OLFM3: variants seen among roughly 807,000 people sequenced by gnomAD.
The protein encoded by OLFM3 is olfactomedin 3.
A neutral mutation model predicts 48.6 loss-of-function variants in OLFM3; 20 were observed. The observed-to-expected ratio is 0.41, with a 90% CI of 0.29 to 0.60. OLFM3 has a LOEUF of 0.60. OLFM3 is among the 20% of genes least tolerant of loss of function. OLFM3 has a pLI of 0.28. For missense variants in OLFM3, 437 were observed against 544.3 expected (o/e 0.80, Z 1.96); for synonymous variants, 222 against 198.1 (o/e 1.12, Z -1.01).
rs771813279 is a variant in OLFM3, at chr1:101,892,355, T to A, written c.70-55330A>T. On this transcript the variant is annotated intron_variant, in intron 1 of 5. Coordinates refer to ENST00000370103, the MANE Select transcript of OLFM3 (RefSeq NM_058170.4). ...AGACCCCAGCAGACAGCCAGTCAAA[T>A]TTAAGCTTCTATACAAAGACTTCAT... is the stretch of plus-strand genomic sequence containing the variant. Among the ~76,000 whole-genome samples, 16 of 152,168 alleles carry A rather than the reference T, an allele frequency of 1.1e-4. 1 individual carries two copies. The South Asian group carries it at 2.5e-3, about 24-fold the overall frequency.
chr1:101,972,731 A>T lies in OLFM3; in HGVS notation c.69+24017T>A, dbSNP rs114082120. ...AAACAAGACTTTATTTATTCTCAAC[A>T]GGTCTCCATTTTGCTTTTTAAATGT... On this transcript the variant is annotated intron_variant, in intron 1 of 5. Transcript: ENST00000370103. 7.4e-3 allele frequency among the ~76,000 whole-genome samples: 1,130 copies of T among 152,350 alleles called. 19 individuals carry two copies. The highest frequency in any genetic ancestry group is 0.026 in the African/African-American group (1,097 of 41,590).
chr1:101,976,558 A>G lies in OLFM3; in HGVS notation c.69+20190T>C, dbSNP rs970272910. Among the ~76,000 whole-genome samples, 8 of 152,194 alleles carry G rather than the reference A, an allele frequency of 5.3e-5. No homozygotes were observed. The South Asian group carries it at 1.2e-3, about 24-fold the overall frequency. On this transcript the variant is annotated intron_variant, in intron 1 of 5. Coordinates refer to ENST00000370103, the MANE Select transcript of OLFM3 (RefSeq NM_058170.4). ...GTTTCTGTCTTGCTGTGTTTTAGAT[A>G]CCGACAGAAACTATTATGTCATGTA... is the stretch of plus-strand genomic sequence containing the variant.
intron 1 of OLFM3, among the ~76,000 whole-genome samples, chr1:101,865,362 C>G (rs1392530168): frequency 6.6e-6 from 1 of 152,200 alleles, no homozygotes; most frequent in Non-Finnish European, 1.5e-5. Context: ...TCCAATAAGG[C>G]TAAGCCTTTT....
chr1:101,898,604 T>C (rs1446732875), intron 1 of OLFM3, among the ~76,000 whole-genome samples: 1 of 152,164 alleles, frequency 6.6e-6, no homozygotes, highest in Non-Finnish European at 1.5e-5. Flanking sequence ...ATTCCAGCAC[T>C]TTGAGAGGCC....
chr1:101,939,872 T>A (rs1659733714), intron 1 of OLFM3, among the ~76,000 whole-genome samples: 2 of 152,208 alleles, frequency 1.3e-5, no homozygotes, highest in Admixed American at 1.3e-4. Context: ...GTGATCAAAC[T>A]TTATGATATT....
intron 1 of OLFM3, among the ~76,000 whole-genome samples, chr1:101,868,863 CTGT>C (rs1656961906): frequency 6.6e-6 from 1 of 152,240 alleles, no homozygotes; most frequent in Admixed American, 6.5e-5. Flanking sequence ...GCAGCTCAGG[CTGT>C]TGCTTCAGAG....
chr1:101,956,535 T>C (rs1284986070), intron 1 of OLFM3, among the ~76,000 whole-genome samples: 1 of 151,956 alleles, frequency 6.6e-6, no homozygotes, highest in Non-Finnish European at 1.5e-5. Flanking sequence ...AAATATCCTT[T>C]TTGTTCTTTG....
chr1:101,839,122 T>C (rs1055763612), intron 1 of OLFM3, among the ~76,000 whole-genome samples: 10 of 152,204 alleles, frequency 6.6e-5, no homozygotes, highest in Admixed American at 5.2e-4. Flanking sequence ...GTACCAGACA[T>C]ATCTTTTGAA....
In OLFM3 at chr1:101,956,086, G is replaced by GTTTTTTTTTTTTTTTT. The variant is rs71592232; in HGVS notation, c.69+40646_69+40661dup. ...ATATCTCAATTCAACACAATAACAG[G>GTTTTTTTTTTTTTTTT]TTTTTTTTTTTTTTTTTAAAAAAAA... is the stretch of plus-strand genomic sequence containing the variant. On this transcript the variant is annotated intron_variant, in intron 1 of 5. Transcript: ENST00000370103. 8.7e-4 allele frequency among the ~76,000 whole-genome samples: 91 copies of GTTTTTTTTTTTTTTTT among 105,026 alleles called. 2 individuals are homozygous for GTTTTTTTTTTTTTTTT. In the East Asian group the frequency reaches 9.7e-3, roughly 11 times the overall value. The allele number at this position is 105,026 out of a possible 152,430, so 68.9% of individuals were successfully genotyped here.
At chr1:101,975,147 C>T (rs1200904630) in intron 1 of OLFM3, among the ~76,000 whole-genome samples, 1 of 152,164 alleles carries the variant, frequency 6.6e-6, no homozygotes, top group Non-Finnish European at 1.5e-5. Flanking sequence ...CTGAAATTAA[C>T]TCTATATCTA....
chr1:101,859,792 A>AGGTGCTGGTTTG (rs1462651781), intron 1 of OLFM3: 1 of 151,448 alleles, frequency 6.6e-6, no homozygotes. Context: ...TTAAGGTGCA[A>AGGTGCTGGTTTG]ATGAATCACT....
rs75665592 is a variant in OLFM3, at chr1:101,956,872, T to C, written c.69+39876A>G. On this transcript the variant is annotated intron_variant, in intron 1 of 5. Coordinates refer to ENST00000370103, the MANE Select transcript of OLFM3 (RefSeq NM_058170.4). ...GGTTTTTGACTGTCTTAACTCTGTG[T>C]CCATATATTATGACATGATATAATA... 9.0e-3 allele frequency among the ~76,000 whole-genome samples: 1,366 copies of C among 151,992 alleles called. 10 individuals are homozygous for C. The highest frequency in any genetic ancestry group is 0.015 in the Non-Finnish European group (1,014 of 67,804).
intron 1 of OLFM3, among the ~76,000 whole-genome samples, chr1:101,862,783 T>C (rs1656706657): frequency 6.6e-6 from 1 of 152,122 alleles, no homozygotes; most frequent in South Asian, 2.1e-4. Flanking sequence ...TCAGAAACAC[T>C]CATATAACCA....
In OLFM3 at chr1:101,825,070, A is replaced by C. The variant is rs1227801751; in HGVS notation, c.548T>G (p.Val183Gly). 2 of 1,613,912 alleles carry C rather than the reference A, an allele frequency of 1.2e-6. No individual in the cohort carries two copies. The highest frequency in any genetic ancestry group is 2.2e-5 in the East Asian group (1 of 44,886). Residue 183 changes from valine (V) to glycine (G), a missense_variant, in exon 4 of 6, where the codon GTG (valine) becomes GGG (glycine). Around this residue, in one of 3 missense-constraint regions of OLFM3, gnomAD observed 314 missense variants for 365.5 expected, o/e 0.86. Coordinates refer to ENST00000370103, the MANE Select transcript of OLFM3 (RefSeq NM_058170.4). ...ACGAAGTCTTGTTTCCAAGCTCAGC[A>C]CTCTTTGGTGTAGTTCCTCGTAGTC... The part of the protein sequence containing the change: ...AYDYEELHQR[V>G]LSLETRLRDC...
rs1261108375 is a variant in OLFM3, at chr1:101,986,254, G to A, written c.69+10494C>T. ...GCTGGGATTACAGGAGTGAGCCACT[G>A]AGCCCGGCCTGAACTACATTTTTGA... On this transcript the variant is annotated intron_variant, in intron 1 of 5. Coordinates refer to ENST00000370103, the MANE Select transcript of OLFM3 (RefSeq NM_058170.4). Among the ~76,000 whole-genome samples, 4 of 152,236 alleles carry A rather than the reference G, an allele frequency of 2.6e-5. No homozygotes were observed. In the East Asian group the frequency reaches 7.7e-4, roughly 29 times the overall value.
intron 4 of OLFM3, 26 bp downstream of exon 4, chr1:101,825,000 T>G: frequency 1.9e-6 from 3 of 1,588,342 alleles, no homozygotes; most frequent in Non-Finnish European, 1.7e-6. Context: ...AAACGTAACT[T>G]AGACAAATTA....
chr1:101,919,979 G>A (rs1570631019), intron 1 of OLFM3, among the ~76,000 whole-genome samples: 2 of 152,176 alleles, frequency 1.3e-5, no homozygotes, highest in African/African-American at 4.8e-5. Flanking sequence ...CTAAAGCATT[G>A]TAATTTACCT....
At chr1:101,858,476 T>G (rs1391549040) in intron 1 of OLFM3, among the ~76,000 whole-genome samples, 1 of 152,054 alleles carries the variant, frequency 6.6e-6, no homozygotes, top group Non-Finnish European at 1.5e-5. Context: ...ATAATTTCAA[T>G]ATAATGGGAC....
chr1:101,910,117 G>A, intron 1 of OLFM3: 1 of 985,316 alleles, frequency 1.0e-6, no homozygotes, highest in Non-Finnish European at 1.2e-6. Flanking sequence ...CAGCTTTACA[G>A]TTAAATAATC....
Sources: gnomAD v4.1 joint callset for allele counts (sites outside exome capture counted in the v4.1 genomes callset) on GRCh38, gnomAD v4.1.1 for gene constraint, gnomAD v4.1.1 regional missense constraint, MANE v1.5 for transcripts, NCBI Gene and HGNC (gene_info 2026-07-23, HGNC 2026-07-21) for gene names.